Variants in TNPO3 observed in about 807,000 individuals in gnomAD.
TNPO3 encodes transportin-3.
A neutral mutation model predicts 122.8 loss-of-function variants in TNPO3; 65 were observed. That is an observed-to-expected ratio of 0.53 (90% confidence interval 0.43 to 0.65). TNPO3 has a LOEUF of 0.65. TNPO3 is among the 30% of genes least tolerant of loss of function. The probability of loss-of-function intolerance (pLI) is 0.00; values close to 1 mark genes in which losing one functional copy is unlikely to be tolerated. For synonymous variants in TNPO3, 372 were observed against 411.2 expected, an observed-to-expected ratio of 0.90 and a Z score of 1.15; for missense variants, 850 against 1,136.7, an observed-to-expected ratio of 0.75 and a Z score of 3.63.
rs996597469 is a variant in TNPO3 at position 128,984,226 on chromosome 7, T to C, written c.1724A>G (p.Asp575Gly). 1.9e-6 allele frequency: 3 copies of C among 1,613,258 alleles called. No individual in the cohort carries two copies. Among genetic ancestry groups the C allele is most frequent in the South Asian group, 1.1e-5 (1 of 90,928 alleles). The change falls in exon 13 of 23, where the codon GAT (aspartate) becomes GGT (glycine). Residue 575 changes from aspartate (D) to glycine (G), a missense_variant. Transcript: ENST00000265388. Reference sequence around the variant, plus strand: ...TTCACTAAGACATTCGGTAATCTTATCCAAAGGTAATCGGGCTAGGACAAG... The same window carrying C: ...TTCACTAAGACATTCGGTAATCTTACCCAAAGGTAATCGGGCTAGGACAAG... ...TALVLARLPL[D>G]KITECLSELC...
intron 1 of TNPO3, among the ~76,000 whole-genome samples, chr7:129,050,790 A>C (rs1480109135): frequency 6.6e-6 from 1 of 152,236 alleles, no homozygotes; most frequent in Admixed American, 6.5e-5. Context: ...AAAGCAGCCC[A>C]AGAAAAACAG....
At chr7:129,025,425 G>A (rs1462417214) in intron 1 of TNPO3, among the ~76,000 whole-genome samples, 2 of 120,932 alleles carry the variant, frequency 1.7e-5, no homozygotes, top group African/African-American at 3.1e-5. Context: ...TGAAGTGTGA[G>A]ATTGCCCACT....
In TNPO3 at chr7:128,970,131, C is replaced by T. The variant is rs377481900; in HGVS notation, c.2598+17G>A. 46 of 1,613,850 alleles carry T rather than the reference C, an allele frequency of 2.9e-5. No homozygotes were observed. The African/African-American group carries it at 5.7e-4, about 20-fold the overall frequency. On this transcript the variant is annotated intron_variant, in intron 20 of 22. Transcript: ENST00000265388. ...TTTAGGGACTATGAGATAAATTCCT[C>T]ATGAAAACAATCTTACCGGTCTGTC...
chr7:129,036,093 C>A (rs892826550), intron 1 of TNPO3, among the ~76,000 whole-genome samples: 3 of 151,416 alleles, frequency 2.0e-5, no homozygotes, highest in Non-Finnish European at 4.4e-5. Context: ...AGCTGGGACT[C>A]CAGGCGCCTG....
chr7:128,962,335 G>A (rs901768684), intron 21 of TNPO3, among the ~76,000 whole-genome samples: 4 of 142,976 alleles, frequency 2.8e-5, no homozygotes, highest in Non-Finnish European at 4.5e-5. Context: ...ACTGCAGTCC[G>A]CAGTCCGGCC....
chr7:128,981,551 C>A (rs1563092534), intron 14 of TNPO3, among the ~76,000 whole-genome samples: 1 of 152,046 alleles, frequency 6.6e-6, no homozygotes, highest in African/African-American at 2.4e-5. Context: ...ATCAGAAATG[C>A]AAATTTTCAG....
chr7:129,000,592 C>T (rs762968264), intron 6 of TNPO3, 25 bp from the exon 7 acceptor site: 6 of 1,602,922 alleles, frequency 3.7e-6, no homozygotes, highest in Non-Finnish European at 5.1e-6. Context: ...GGAATGAGAA[C>T]AATGAGTCAG....
intron 1 of TNPO3, among the ~76,000 whole-genome samples, chr7:129,018,669 A>G (rs192808029): frequency 1.1e-4 from 16 of 152,334 alleles, no homozygotes; most frequent in Admixed American, 7.8e-4. Context: ...TCCCGACAAA[A>G]TAGCAGAAAA....
At chr7:128,961,544 C>T (rs1485383009) in intron 21 of TNPO3, among the ~76,000 whole-genome samples, 1 of 152,218 alleles carries the variant, frequency 6.6e-6, no homozygotes, top group African/African-American at 2.4e-5. Context: ...CATTAAGTAA[C>T]ACATGACTGT....
intron 21 of TNPO3, among the ~76,000 whole-genome samples, chr7:128,959,887 G>A (rs1797270244): frequency 6.6e-6 from 1 of 152,140 alleles, no homozygotes; most frequent in African/African-American, 2.4e-5. Context: ...CGTGTGTGGT[G>A]GTGGGCACCT....
At chr7:129,011,205 T>A (rs1803149620) in intron 4 of TNPO3, among the ~76,000 whole-genome samples, 1 of 152,158 alleles carries the variant, frequency 6.6e-6, no homozygotes, top group African/African-American at 2.4e-5. Flanking sequence ...AAAGGTAAGA[T>A]AATTCTATAA....
chr7:129,004,804 T>C (rs1179225990), intron 5 of TNPO3, among the ~76,000 whole-genome samples: 2 of 152,262 alleles, frequency 1.3e-5, no homozygotes, highest in Non-Finnish European at 2.9e-5. Flanking sequence ...CATATAAGAC[T>C]GTTTTCCTCT....
intron 8 of TNPO3, 28 bp from the exon 9 acceptor site, chr7:128,993,942 C>A: frequency 6.4e-7 from 1 of 1,574,110 alleles, no homozygotes; most frequent in Non-Finnish European, 8.7e-7. Flanking sequence ...ATAACATCTG[C>A]TTTAAACTCA....
chr7:128,964,596 A>T (rs1262404246), intron 21 of TNPO3, among the ~76,000 whole-genome samples: 1 of 152,058 alleles, frequency 6.6e-6, no homozygotes, highest in Non-Finnish European at 1.5e-5. Context: ...CGGCCTCCCA[A>T]AGTGCTGGGA....
intron 1 of TNPO3, among the ~76,000 whole-genome samples, chr7:129,048,473 T>C (rs1808311461): frequency 6.6e-6 from 1 of 152,022 alleles, no homozygotes; most frequent in Non-Finnish European, 1.5e-5. Context: ...GAGGTTGCAG[T>C]GAGCCAAGAT....
intron 3 of TNPO3, among the ~76,000 whole-genome samples, chr7:129,016,069 A>G (rs1803820006): frequency 6.6e-6 from 1 of 151,978 alleles, no homozygotes; most frequent in South Asian, 2.1e-4. Flanking sequence ...TGGGTGAAAC[A>G]GCAAGACTGT....
chr7:129,021,354 CAAAAAAA>C, intron 1 of TNPO3, among the ~76,000 whole-genome samples: 1 of 66,686 alleles, frequency 1.5e-5, no homozygotes, highest in African/African-American at 5.9e-5. Context: ...GACTCCGTCT[CAAAAAAA>C]AAAAAAAAAG....
intron 21 of TNPO3, among the ~76,000 whole-genome samples, chr7:128,959,705 G>C (rs191486603): frequency 3.3e-5 from 5 of 152,220 alleles, no homozygotes; most frequent in African/African-American, 9.6e-5. Context: ...GTCCTTGGTG[G>C]GGAGCCCATA....
chr7:128,978,874 C>T (rs775272963), intron 16 of TNPO3, 109 bp downstream of exon 16: 12 of 1,312,748 alleles, frequency 9.1e-6, no homozygotes, highest in Non-Finnish European at 1.3e-5. Flanking sequence ...TCAGGTGGTC[C>T]ACCTGCATAG....
Sources: gnomAD v4.1 joint callset for allele counts (sites outside exome capture counted in the v4.1 genomes callset) on GRCh38, gnomAD v4.1.1 for gene constraint, MANE v1.5 for transcripts, NCBI Gene and HGNC (gene_info 2026-07-23, HGNC 2026-07-21) for gene names.